Variants in PRKG1 observed in about 807,000 individuals in gnomAD.
PRKG1 encodes cGMP-dependent protein kinase 1.
A neutral mutation model predicts 88.1 loss-of-function variants in PRKG1; 35 were observed. The ratio of observed to expected loss-of-function variants is 0.40; its 90% confidence interval spans 0.30 to 0.53. PRKG1 has a LOEUF of 0.53. PRKG1 is among the 20% of genes least tolerant of loss of function. The pLI, the probability that PRKG1 is intolerant of heterozygous loss-of-function variation, is 0.59. For synonymous variants in PRKG1, 303 were observed against 292.5 expected (o/e 1.04, Z -0.37); for missense variants, 540 against 839.8 (o/e 0.64, Z 4.41).
At chr10:51,737,202 C>T (rs557713053) in intron 3 of PRKG1, among the ~76,000 whole-genome samples, 3 of 152,252 alleles carry the variant, frequency 2.0e-5, no homozygotes, top group Admixed American at 2.0e-4. Flanking sequence ...CAGTTATGGT[C>T]TTTTCATCTT....
At chr10:51,036,462 G>A (rs986386795) in intron 1 of PRKG1, among the ~76,000 whole-genome samples, 25 of 152,122 alleles carry the variant, frequency 1.6e-4, no homozygotes, top group East Asian at 1.9e-4. Flanking sequence ...GGGTGACTGG[G>A]GGGTGCAGAG....
At chr10:51,617,855 G>C (rs1839101469) in intron 3 of PRKG1, among the ~76,000 whole-genome samples, 1 of 152,118 alleles carries the variant, frequency 6.6e-6, no homozygotes, top group Non-Finnish European at 1.5e-5. Context: ...GCAAAGTATT[G>C]GTCATGCTTA....
chr10:52,012,585 C>A (rs1476324686), intron 5 of PRKG1, among the ~76,000 whole-genome samples: 2 of 152,044 alleles, frequency 1.3e-5, no homozygotes, highest in East Asian at 3.9e-4. Flanking sequence ...CAGGGTTTCA[C>A]CATGTTGGCC....
chr10:50,994,813 GA>G (rs35386826), intron 1 of PRKG1, among the ~76,000 whole-genome samples: 3,867 of 143,608 alleles, frequency 0.027, 90 homozygotes, highest in Middle Eastern at 0.076. Flanking sequence ...AACTATTCAG[GA>G]AAAAAAAAAA....
chr10:52,208,455 GTAT>G (rs1411361408), intron 9 of PRKG1, among the ~76,000 whole-genome samples: 2 of 152,166 alleles, frequency 1.3e-5, no homozygotes, highest in African/African-American at 4.8e-5. Flanking sequence ...CATCACAGAA[GTAT>G]TATGGTAAAA....
chr10:52,127,899 C>T (rs929508975), intron 7 of PRKG1, among the ~76,000 whole-genome samples: 1 of 152,102 alleles, frequency 6.6e-6, no homozygotes, highest in African/African-American at 2.4e-5. Context: ...TATGACTTTT[C>T]CTTAAAGCAC....
intron 1 of PRKG1, among the ~76,000 whole-genome samples, chr10:51,048,230 T>G (rs1843515873): frequency 6.6e-6 from 1 of 152,092 alleles, no homozygotes; most frequent in Non-Finnish European, 1.5e-5. Flanking sequence ...TTCCTGTCTT[T>G]CTGTCTGTCT....
chr10:51,936,325 C>T (rs1363077258), intron 5 of PRKG1, among the ~76,000 whole-genome samples: 3 of 151,962 alleles, frequency 2.0e-5, no homozygotes, highest in Non-Finnish European at 2.9e-5. Flanking sequence ...AGTCCTGGAA[C>T]ATTTATTTCT....
chr10:51,671,338 A>C (rs1156499533), intron 3 of PRKG1, among the ~76,000 whole-genome samples: 3 of 152,208 alleles, frequency 2.0e-5, no homozygotes, highest in Non-Finnish European at 4.4e-5. Flanking sequence ...GTGGCTTAAA[A>C]TGACAGAAAT....
At chr10:51,671,650 G>A (rs530219497) in intron 3 of PRKG1, among the ~76,000 whole-genome samples, 2 of 150,082 alleles carry the variant, frequency 1.3e-5, no homozygotes, top group South Asian at 2.1e-4. Flanking sequence ...GCAGTGGCAC[G>A]ATTTCAGCTC....
chr10:52,012,899 T>C (rs1479169858), intron 5 of PRKG1, among the ~76,000 whole-genome samples: 2 of 152,236 alleles, frequency 1.3e-5, no homozygotes, highest in Non-Finnish European at 2.9e-5. Flanking sequence ...CAATACCATG[T>C]GGTAATTATT....
At position 51,541,848 on chromosome 10, in the gene PRKG1, T is replaced by A. The variant is rs550086075; in HGVS notation, c.592+74012T>A. On this transcript the variant is annotated intron_variant, in intron 3 of 17. Coordinates refer to ENST00000373980, the MANE Select transcript of PRKG1 (RefSeq NM_006258.4). ...CTCCAATTTACTTTAACTAGTATTT[T>A]AAAATCTTTTTAAAATAATGTGCCT... Among the ~76,000 whole-genome samples, 21 of 152,344 alleles carry A rather than the reference T, an allele frequency of 1.4e-4. No individual in the cohort carries two copies. In the South Asian group the frequency reaches 3.9e-3, roughly 29 times the overall value.
chr10:51,453,946 C>A (rs1486173239), intron 2 of PRKG1, among the ~76,000 whole-genome samples: 1 of 152,020 alleles, frequency 6.6e-6, no homozygotes, highest in Non-Finnish European at 1.5e-5. Context: ...CTGCTATACA[C>A]CAACAGTGAC....
In PRKG1 at chr10:52,225,760, A is replaced by G. The variant is rs572426689; in HGVS notation, c.1077-25810A>G. Among the ~76,000 whole-genome samples, 3 of 152,008 alleles carry G rather than the reference A, an allele frequency of 2.0e-5. No individual in the cohort carries two copies. The South Asian group carries it at 6.2e-4, about 32-fold the overall frequency. ...GAAAAGGATGTCCTTTCCCCACTTT[A>G]TCTTTTTGTTTGCTTTCTTGAAGAT... is the stretch of plus-strand genomic sequence containing the variant. On this transcript the variant is annotated intron_variant, in intron 9 of 17. Coordinates refer to ENST00000373980, the MANE Select transcript of PRKG1 (RefSeq NM_006258.4).
intron 3 of PRKG1, among the ~76,000 whole-genome samples, chr10:51,580,353 A>G (rs1342391946): frequency 6.6e-6 from 1 of 152,144 alleles, no homozygotes; most frequent in Non-Finnish European, 1.5e-5. Flanking sequence ...TACAATTATT[A>G]TTCTTGCATG....
At chr10:51,511,095 T>C (rs1366105053) in intron 3 of PRKG1, among the ~76,000 whole-genome samples, 1 of 152,122 alleles carries the variant, frequency 6.6e-6, no homozygotes, top group Non-Finnish European at 1.5e-5. Flanking sequence ...TGTTTCATTA[T>C]ATAGTTTAAA....
At chr10:51,346,544 A>T (rs1440921570) in intron 2 of PRKG1, among the ~76,000 whole-genome samples, 1 of 152,216 alleles carries the variant, frequency 6.6e-6, no homozygotes, top group East Asian at 1.9e-4. Flanking sequence ...GTTTTATGTT[A>T]CTTTTTATAC....
At chr10:51,235,181 TG>T (rs1245510115) in intron 2 of PRKG1, among the ~76,000 whole-genome samples, 1 of 152,188 alleles carries the variant, frequency 6.6e-6, no homozygotes, top group Non-Finnish European at 1.5e-5. Flanking sequence ...TTCAACTCCC[TG>T]GCCAAGCCTT....
At chr10:51,370,891 A>G (rs1190628034) in intron 2 of PRKG1, among the ~76,000 whole-genome samples, 2 of 152,078 alleles carry the variant, frequency 1.3e-5, no homozygotes, top group Non-Finnish European at 2.9e-5. Flanking sequence ...ACTGTAATGG[A>G]CAGTGTAGTT....
Sources: gnomAD v4.1 joint callset for allele counts (sites outside exome capture counted in the v4.1 genomes callset) on GRCh38, gnomAD v4.1.1 for gene constraint, MANE v1.5 for transcripts, NCBI Gene and HGNC (gene_info 2026-07-23, HGNC 2026-07-21) for gene names.